Variants in MAPKBP1 observed in about 807,000 individuals in gnomAD.
MAPKBP1 encodes the protein mitogen-activated protein kinase binding protein 1, also known as mitogen-activated protein kinase-binding protein 1.
In MAPKBP1, 71 loss-of-function variants were observed where a neutral mutation model predicts 170.5. That is an observed-to-expected ratio of 0.42 (90% CI 0.34 to 0.51). The LOEUF is 0.51. Among genes scored for constraint, MAPKBP1 ranks in the 20% least tolerant of loss-of-function variants. The probability of loss-of-function intolerance (pLI) is 0.06; values close to 1 mark genes in which losing one functional copy is unlikely to be tolerated. For missense variants in MAPKBP1, 1,598 were observed against 1,933.0 expected (o/e 0.83, Z 3.25); for synonymous variants, 719 against 757.9 (o/e 0.95, Z 0.84).
rs1395505162 is a variant in MAPKBP1, at chr15:41,774,543, G to C, written c.-177G>C. The C allele has an allele frequency of 2.5e-6, 1 of 398,560 alleles. No homozygotes were observed. The highest frequency in any genetic ancestry group is 4.4e-6 in the Non-Finnish European group (1 of 226,098). 24.7% of individuals were successfully genotyped at this position (398,560 alleles called of 1,614,324 possible). A position where few individuals can be genotyped will look rare whatever the true frequency, so the allele number is the denominator to read the frequency against. Reference sequence around the variant, plus strand: ...CTCTACCGCTGCGGCTACCGCGGCGGAGCTGAAATTGCCGAACGCGATGCC... The same window carrying C: ...CTCTACCGCTGCGGCTACCGCGGCGCAGCTGAAATTGCCGAACGCGATGCC... On this transcript the variant is annotated 5_prime_UTR_variant, in exon 1 of 31. Coordinates refer to ENST00000457542, the MANE Select transcript of MAPKBP1 (RefSeq NM_014994.3).
chr15:41,779,584 C>A lies in MAPKBP1; in HGVS notation c.114+4195C>A, dbSNP rs528884779. 7.7e-4 allele frequency among the ~76,000 whole-genome samples: 117 copies of A among 151,868 alleles called. No individual in the cohort carries two copies. The South Asian group carries it at 0.011, about 14-fold the overall frequency. On this transcript the variant is annotated intron_variant, in intron 2 of 30. Coordinates refer to ENST00000457542, the MANE Select transcript of MAPKBP1 (RefSeq NM_014994.3). ...GGTCTCAAACTTCTGGCCTCAAGGG[C>A]TCCTCCTGCCACAGCCTCCCAAAGT...
chr15:41,798,251 A>G (rs1596075528), intron 2 of MAPKBP1, among the ~76,000 whole-genome samples: 1 of 43,262 alleles, frequency 2.3e-5, no homozygotes, highest in East Asian at 4.1e-4. Flanking sequence ...CTCTGTCTCA[A>G]AAAAAAAAAA....
At chr15:41,793,466 C>G (rs930972564) in intron 2 of MAPKBP1, among the ~76,000 whole-genome samples, 3 of 151,904 alleles carry the variant, frequency 2.0e-5, no homozygotes, top group Middle Eastern at 3.2e-3. Context: ...CAGTGAGACT[C>G]CGTCTCAAAA....
At chr15:41,819,129 C>T in intron 20 of MAPKBP1, 117 bp from the exon 21 acceptor site, 1 of 1,441,456 alleles carries the variant, frequency 6.9e-7, no homozygotes, top group East Asian at 2.3e-5. Flanking sequence ...AGTCTCCTCT[C>T]CCCCTATTGA....
rs117560981 is a variant in MAPKBP1 at position 41,822,959 on chromosome 15, C to A, written c.3335C>A (p.Ser1112Ter). The change falls in exon 28 of 31, where the codon TCA (serine) becomes TAA (stop). Residue 1112 changes from serine to a stop codon, truncating the protein, a stop_gained. Coordinates refer to ENST00000457542, the MANE Select transcript of MAPKBP1 (RefSeq NM_014994.3). LOFTEE classifies it high-confidence loss of function. ...TGTAGGGAACCATCCCCATCCTCCT[C>A]AAGCCTGGCACTGATGTCGAGACCA... ...RPLREPSPSSSSLALMSRPAQ... is the reference protein window; with the variant it reads ...RPLREPSPSS 1 of 1,611,836 alleles carries A rather than the reference C, an allele frequency of 6.2e-7. No individual in the cohort carries two copies. The highest frequency in any genetic ancestry group is 8.5e-7 in the Non-Finnish European group (1 of 1,178,392).
In MAPKBP1 at chr15:41,818,270, C is replaced by G. The variant is rs1197601004; in HGVS notation, c.2057C>G (p.Ser686Ter). 1 of 1,614,170 alleles carries G rather than the reference C, an allele frequency of 6.2e-7. No individual in the cohort carries two copies. Among genetic ancestry groups the G allele is most frequent in the Admixed American group, 1.7e-5 (1 of 60,032 alleles). Residue 686 changes from serine (S) to a stop codon, truncating the protein, a stop_gained, in exon 18 of 31, where the codon TCA becomes TGA. Coordinates refer to ENST00000457542, the MANE Select transcript of MAPKBP1 (RefSeq NM_014994.3). LOFTEE classifies it high-confidence loss of function. This position sits in a 1 kb window ranked among gnomAD's most constrained non-coding sequence, Gnocchi z 5.2. ...AATCTCTCCATTTTTGACTTCTCCTCAGGCGAGTGCGTGGCCACCATGTTT... is the reference window on the plus strand; with the variant it reads ...AATCTCTCCATTTTTGACTTCTCCTGAGGCGAGTGCGTGGCCACCATGTTT... ...DKNLSIFDFSSGECVATMFGH... is the reference protein window; with the variant it reads ...DKNLSIFDFS
At chr15:41,775,450 T>C in intron 2 of MAPKBP1, 61 bp downstream of exon 2, 3 of 1,226,366 alleles carry the variant, frequency 2.4e-6, no homozygotes, top group African/African-American at 1.5e-5. Flanking sequence ...ATGTTCCTCG[T>C]TAACCTTCCT....
chr15:41,818,252 C>G lies in MAPKBP1; in HGVS notation c.2039C>G (p.Ser680Cys), dbSNP rs2064927111. The G allele has an allele frequency of 6.2e-7, 1 of 1,614,164 alleles. No individual in the cohort carries two copies. The highest frequency in any genetic ancestry group is 8.5e-7 in the Non-Finnish European group (1 of 1,180,032). Residue 680 changes from serine to cysteine, a missense_variant, in exon 18 of 31, where the codon TCC (serine) becomes TGC (cysteine). Ser to Cys is a moderately radical substitution (Grantham distance 112). Coordinates refer to ENST00000457542, the MANE Select transcript of MAPKBP1 (RefSeq NM_014994.3). This position sits in a 1 kb window ranked among gnomAD's most constrained non-coding sequence, Gnocchi z 5.2. ...IATSCSDKNL[S>C]IFDFSSGECV... ...ACCAGCTGTTCTGACAAGAATCTCT[C>G]CATTTTTGACTTCTCCTCAGGCGAG...
chr15:41,775,220 G>A lies in MAPKBP1; in HGVS notation c.-56G>A. 2.1e-6 allele frequency: 3 copies of A among 1,436,398 alleles called. No individual in the cohort carries two copies. The highest frequency in any genetic ancestry group is 2.8e-5 in the African/African-American group (2 of 71,636). 89.0% of individuals were successfully genotyped at this position (1,436,398 alleles called of 1,614,324 possible). Reference sequence around the variant, plus strand: ...TCTGGAGTGGGAAGACAGTGCCGCTGTTGAGACAAGACCCAGGACTGGGCC... The same window carrying A: ...TCTGGAGTGGGAAGACAGTGCCGCTATTGAGACAAGACCCAGGACTGGGCC... On this transcript the variant is annotated 5_prime_UTR_variant, in exon 2 of 31. Transcript: ENST00000457542.
intron 2 of MAPKBP1, among the ~76,000 whole-genome samples, chr15:41,789,333 A>G (rs769213991): frequency 9.2e-5 from 14 of 151,812 alleles, no homozygotes; most frequent in Non-Finnish European, 1.8e-4. Flanking sequence ...CGAATTCTGC[A>G]TGCTTACATT....
Position 41,823,685 on chromosome 15 carries a change from C to T in MAPKBP1, c.3837C>T (p.Leu1279=), listed in dbSNP as rs2152084881. 1 of 1,614,214 alleles carries T rather than the reference C, an allele frequency of 6.2e-7. No homozygotes were observed. The highest frequency in any genetic ancestry group is 8.5e-7 in the Non-Finnish European group (1 of 1,180,026). ...QAHAPIRVSP[L]SKLALPSRAH... ...ATGCCCCCATCCGAGTCTCACCACT[C>T]AGCAAGCTGGCCCTGCCCAGCCGGG... Residue 1279 remains leucine, a synonymous_variant, in exon 29 of 31, where the codon CTC becomes CTT. Transcript: ENST00000457542.
intron 3 of MAPKBP1, among the ~76,000 whole-genome samples, chr15:41,808,768 G>A (rs1726915): frequency 0.15 from 23,092 of 152,044 alleles, 2,644 homozygotes; most frequent in East Asian, 0.68. Flanking sequence ...AAGCCACTGT[G>A]CCCGGCCTGT....
chr15:41,796,338 T>C (rs1016916725), intron 2 of MAPKBP1, among the ~76,000 whole-genome samples: 1 of 152,172 alleles, frequency 6.6e-6, no homozygotes, highest in Non-Finnish European at 1.5e-5. Flanking sequence ...TCTACCACCT[T>C]CTTGGAAAGG....
chr15:41,780,999 C>T (rs934577627), intron 2 of MAPKBP1, among the ~76,000 whole-genome samples: 1 of 151,836 alleles, frequency 6.6e-6, no homozygotes, highest in East Asian at 1.9e-4. Context: ...GATAGCTCCT[C>T]CTAGATTTCA....
chr15:41,816,675 C>T, intron 13 of MAPKBP1, 25 bp downstream of exon 13: 1 of 1,601,570 alleles, frequency 6.2e-7, no homozygotes, highest in South Asian at 1.1e-5. Context: ...CGGAATGGCA[C>T]AGGGCTCCTC....
Position 41,823,661 on chromosome 15 carries a change from T to C in MAPKBP1, c.3813T>C (p.His1271=). The C allele has an allele frequency of 6.2e-7, 1 of 1,614,136 alleles. No individual in the cohort carries two copies. The highest frequency in any genetic ancestry group is 2.2e-5 in the East Asian group (1 of 44,880). The change falls in exon 29 of 31, where the codon CAT becomes CAC. Residue 1271 remains histidine, a synonymous_variant. Coordinates refer to ENST00000457542, the MANE Select transcript of MAPKBP1 (RefSeq NM_014994.3). ...NLGLVAEPQA[H]APIRVSPLSK... is the part of the protein sequence containing the mutation. ...GCCTGGTGGCTGAACCTCAAGCTCA[T>C]GCCCCCATCCGAGTCTCACCACTCA...
chr15:41,776,301 G>A (rs537124284), intron 2 of MAPKBP1, among the ~76,000 whole-genome samples: 4 of 152,320 alleles, frequency 2.6e-5, no homozygotes, highest in Admixed American at 1.3e-4. Context: ...GTATTGCTTT[G>A]CCTGTATCTC....
intron 2 of MAPKBP1, among the ~76,000 whole-genome samples, chr15:41,798,946 C>T (rs1451631277): frequency 6.6e-6 from 1 of 152,168 alleles, no homozygotes; most frequent in Non-Finnish European, 1.5e-5. Flanking sequence ...AAGTGAAAGA[C>T]CCAGAGCAGA....
At position 41,825,632 on chromosome 15, in the gene MAPKBP1, C is replaced by T. The variant is rs2065077888; in HGVS notation, c.*196C>T. 1 of 519,566 alleles carries T rather than the reference C, an allele frequency of 1.9e-6. No individual in the cohort carries two copies. Among genetic ancestry groups the T allele is most frequent in the Non-Finnish European group, 3.4e-6 (1 of 294,184 alleles). 32.2% of individuals were successfully genotyped at this position (519,566 alleles called of 1,614,324 possible). On this transcript the variant is annotated 3_prime_UTR_variant, in exon 31 of 31. Transcript: ENST00000457542. ...TATTTCCCTGACTGTTGCCTCACTTCCTTGGAACTCCTGCCTCCACAGCCC... is the reference window on the plus strand; with the variant it reads ...TATTTCCCTGACTGTTGCCTCACTTTCTTGGAACTCCTGCCTCCACAGCCC...
Sources: allele counts gnomAD v4.1 joint callset (sites outside exome capture counted in the v4.1 genomes callset), GRCh38; gene constraint gnomAD v4.1.1; non-coding constraint Gnocchi (gnomAD v3.1); transcripts MANE v1.5; gene names NCBI Gene and HGNC (gene_info 2026-07-23, HGNC 2026-07-21).